Variants in PCDHGA7 observed in about 807,000 individuals in gnomAD.
PCDHGA7 encodes the protein protocadherin gamma subfamily A, 7, also known as protocadherin gamma-A7.
A neutral mutation model predicts 58.3 loss-of-function variants in PCDHGA7; 44 were observed. That is an observed-to-expected ratio of 0.75 (90% confidence interval 0.59 to 0.97). The LOEUF is 0.97. Ranked by LOEUF, PCDHGA7 falls within the 50% of genes least tolerant of loss-of-function variation. The probability of loss-of-function intolerance (pLI) is 0.00; values close to 1 mark genes in which losing one functional copy is unlikely to be tolerated. For missense variants in PCDHGA7, 1,266 were observed against 1,188.7 expected, an observed-to-expected ratio of 1.06 and a Z score of -0.96; for synonymous variants, 516 against 504.2, an observed-to-expected ratio of 1.02 and a Z score of -0.31.
rs1303034041 is a variant in PCDHGA7 at position 141,384,962 on chromosome 5, A to G, written c.2063A>G (p.Asp688Gly). The change falls in exon 1 of 4, where the codon GAC becomes GGC. Residue 688 changes from aspartate to glycine, a missense_variant. Transcript: ENST00000518325. ...CCCTCCGACGGTCCTTACAACTATG[A>G]CCTCACGTTGTACCTGGTGGTGGCG... ...LEPSDGPYNY[D>G]LTLYLVVAVA... is the part of the protein sequence containing the mutation. The G allele has an allele frequency of 6.2e-7, 1 of 1,613,130 alleles. No individual in the cohort carries two copies. Among genetic ancestry groups the G allele is most frequent in the East Asian group, 2.2e-5 (1 of 44,834 alleles).
At chr5:141,406,729 C>A (rs1051103218) in intron 1 of PCDHGA7, among the ~76,000 whole-genome samples, 1 of 152,200 alleles carries the variant, frequency 6.6e-6, no homozygotes, top group Non-Finnish European at 1.5e-5. Context: ...GTTTCTAAGA[C>A]TGGACACTGT....
intron 2 of PCDHGA7, among the ~76,000 whole-genome samples, chr5:141,502,537 G>A (rs900570745): frequency 2.0e-5 from 3 of 152,042 alleles, no homozygotes; most frequent in Admixed American, 6.6e-5. Context: ...GTTTGTTCGT[G>A]TGGTAAAAAC....
chr5:141,475,343 G>C (rs1425482944), intron 1 of PCDHGA7, among the ~76,000 whole-genome samples: 3 of 152,178 alleles, frequency 2.0e-5, no homozygotes, highest in Non-Finnish European at 2.9e-5. Context: ...ATGACATCCA[G>C]TTTTAAAAGA....
intron 1 of PCDHGA7, among the ~76,000 whole-genome samples, chr5:141,436,521 C>T (rs2097829891): frequency 6.6e-6 from 1 of 152,086 alleles, no homozygotes; most frequent in African/African-American, 2.4e-5. Flanking sequence ...AACTGTGTCA[C>T]CTTTAGCAAG....
rs2099396190 is a variant in PCDHGA7 at position 141,476,685 on chromosome 5, G to A, written c.2425-18122G>A. On this transcript the variant is annotated intron_variant, in intron 1 of 3. Coordinates refer to ENST00000518325, the MANE Select transcript of PCDHGA7 (RefSeq NM_018920.4). This position sits in a 1 kb window ranked among gnomAD's most constrained non-coding sequence, Gnocchi z 7.6. ...CTTCGCGTGCAGACGCGGGAGGACA[G>A]CACCAAGTACGCGGAGCTGGTGTTG... 3.1e-6 allele frequency: 5 copies of A among 1,614,102 alleles called. No homozygotes were observed.
In PCDHGA7 at chr5:141,414,653, A is replaced by G. The variant is rs2095771118; in HGVS notation, c.2424+29330A>G. ...AGCAAAGAGAATGCCCAGATTATTT[A>G]CTCCCTGGCTGAAGACACCATCCAG... On this transcript the variant is annotated intron_variant, in intron 1 of 3. Coordinates refer to ENST00000518325, the MANE Select transcript of PCDHGA7 (RefSeq NM_018920.4). 6.2e-7 allele frequency: 1 copy of G among 1,613,644 alleles called. No homozygotes were observed.
Position 141,423,542 on chromosome 5 carries a change from C to T in PCDHGA7, c.2424+38219C>T, listed in dbSNP as rs755766737. 4.3e-6 allele frequency: 7 copies of T among 1,613,616 alleles called. No individual in the cohort carries two copies. The African/African-American group carries it at 6.7e-5, about 15-fold the overall frequency. The stretch of plus-strand genomic sequence containing the variant: ...TCGCAGAAGAGTCACCTGATTTTCC[C>T]CCAGCCCAACTATGGGGACACGCTC... On this transcript the variant is annotated intron_variant, in intron 1 of 3. Transcript: ENST00000518325.
chr5:141,470,358 A>G (rs1263824284), intron 1 of PCDHGA7, among the ~76,000 whole-genome samples: 2 of 152,174 alleles, frequency 1.3e-5, no homozygotes, highest in African/African-American at 4.8e-5. Context: ...AAATAGACAC[A>G]TTAGGTTGAA....
At chr5:141,413,697 T>G in intron 1 of PCDHGA7, 4 of 1,613,632 alleles carry the variant, frequency 2.5e-6, no homozygotes, top group Non-Finnish European at 3.4e-6. Flanking sequence ...TGCAGAGCTA[T>G]CAGCTCAGCC....
At chr5:141,417,693 A>T in intron 1 of PCDHGA7, 1 of 1,091,256 alleles carries the variant, frequency 9.2e-7, no homozygotes, top group Non-Finnish European at 1.3e-6. Context: ...AAAGAAAACC[A>T]GCTCCCACAC....
rs778960850 is a variant in PCDHGA7, at chr5:141,389,261, G to A, written c.2424+3938G>A. 2.0e-5 allele frequency: 32 copies of A among 1,613,890 alleles called. No homozygotes were observed. The East Asian group carries it at 7.1e-4, about 36-fold the overall frequency. ...CACAGTCTTCCTATATAGTCCACGT[G>A]GCCGAGAACAACCCGCCTGGAGCCT... On this transcript the variant is annotated intron_variant, in intron 1 of 3. Coordinates refer to ENST00000518325, the MANE Select transcript of PCDHGA7 (RefSeq NM_018920.4).
intron 1 of PCDHGA7, chr5:141,403,949 G>T: frequency 1.2e-6 from 2 of 1,613,886 alleles, no homozygotes; most frequent in Non-Finnish European, 1.7e-6. Flanking sequence ...GTGGACAAAA[G>T]TGCTCATTTC....
intron 1 of PCDHGA7, among the ~76,000 whole-genome samples, chr5:141,439,459 A>ACTG (rs1234039449): frequency 6.6e-6 from 1 of 152,222 alleles, no homozygotes; most frequent in Non-Finnish European, 1.5e-5. Flanking sequence ...GCAAGACTGC[A>ACTG]CTGCTGCCTT....
chr5:141,485,805 T>C lies in PCDHGA7; in HGVS notation c.2425-9002T>C, dbSNP rs753916789. ...GAGAAGCAATCGGACTACCGCCTGG[T>C]GCTGACTGCTGTCGATGGAGGGAAC... On this transcript the variant is annotated intron_variant, in intron 1 of 3. Coordinates refer to ENST00000518325, the MANE Select transcript of PCDHGA7 (RefSeq NM_018920.4). The surrounding 1 kb of genome is among the most constrained non-coding windows in gnomAD (Gnocchi z 5.7). 1.2e-6 allele frequency: 2 copies of C among 1,614,198 alleles called. No individual in the cohort carries two copies. The highest frequency in any genetic ancestry group is 1.7e-6 in the Non-Finnish European group (2 of 1,180,026).
intron 2 of PCDHGA7, among the ~76,000 whole-genome samples, chr5:141,503,598 C>CAAAAAAA (rs765754054): frequency 1.5e-5 from 1 of 65,730 alleles, no homozygotes; most frequent in Non-Finnish European, 3.4e-5. Flanking sequence ...GACTCCAGCT[C>CAAAAAAA]AAAAAAAAAA....
intron 1 of PCDHGA7, among the ~76,000 whole-genome samples, chr5:141,447,233 G>A (rs565398752): frequency 2.6e-5 from 4 of 152,028 alleles, no homozygotes; most frequent in Non-Finnish European, 4.4e-5. Flanking sequence ...TCCGCCTCCC[G>A]GGTTCAAGTG....
At position 141,432,395 on chromosome 5, in the gene PCDHGA7, G is replaced by A; in HGVS notation, c.2424+47072G>A. 6.2e-7 allele frequency: 1 copy of A among 1,614,240 alleles called. No individual in the cohort carries two copies. ...CGGGCACCCGCCCCTCAGCAGCAAC[G>A]TGTCGTTGAGCCTGTTCGTGCTGGA... On this transcript the variant is annotated intron_variant, in intron 1 of 3. Coordinates refer to ENST00000518325, the MANE Select transcript of PCDHGA7 (RefSeq NM_018920.4). This position sits in a 1 kb window ranked among gnomAD's most constrained non-coding sequence, Gnocchi z 6.0.
chr5:141,476,950 A>T lies in PCDHGA7; in HGVS notation c.2425-17857A>T, dbSNP rs1224572890. 2 of 1,614,158 alleles carry T rather than the reference A, an allele frequency of 1.2e-6. No homozygotes were observed. The highest frequency in any genetic ancestry group is 4.5e-5 in the East Asian group (2 of 44,878). ...ATCTGGATGAAGGCCCCAACGGTGA[A>T]ATTATTTACTCCTTCGGCAGCCACA... On this transcript the variant is annotated intron_variant, in intron 1 of 3. Transcript: ENST00000518325. The surrounding 1 kb of genome is among the most constrained non-coding windows in gnomAD (Gnocchi z 7.6).
chr5:141,400,734 G>T, intron 1 of PCDHGA7: 1 of 634,546 alleles, frequency 1.6e-6, no homozygotes, highest in Non-Finnish European at 2.7e-6. Context: ...AAAGTAGTGA[G>T]AGTTTGCTCT....
Sources: gnomAD v4.1 joint callset for allele counts (sites outside exome capture counted in the v4.1 genomes callset) on GRCh38, gnomAD v4.1.1 for gene constraint, Gnocchi (gnomAD v3.1) non-coding constraint, MANE v1.5 for transcripts, NCBI Gene and HGNC (gene_info 2026-07-23, HGNC 2026-07-21) for gene names.